NLRP7: variants seen among roughly 807,000 people sequenced by gnomAD.
NLRP7 encodes NLR family pyrin domain containing 7.
In NLRP7, 72 loss-of-function variants were observed where a neutral mutation model predicts 85.5. The ratio of observed to expected loss-of-function variants is 0.84; its 90% CI spans 0.70 to 1.02. The LOEUF is 1.02. Ranked by LOEUF, NLRP7 falls within the 50% of genes least tolerant of loss-of-function variation. The pLI is 0.00. For synonymous variants in NLRP7, 550 were observed against 505.2 expected (o/e 1.09, Z -1.19); for missense variants, 1,243 against 1,219.5 (o/e 1.02, Z -0.29).
At chr19:54,930,314 T>A (rs1468662093) in intron 9 of NLRP7, among the ~76,000 whole-genome samples, 185 bp downstream of exon 9, 7 of 151,296 alleles carry the variant, frequency 4.6e-5, no homozygotes, top group Non-Finnish European at 8.8e-5. Context: ...AGAAAACAGT[T>A]ACCTGGCCAT....
chr19:54,938,390 T>C (rs896370796), intron 4 of NLRP7, 149 bp from the exon 5 acceptor site: 3 of 690,980 alleles, frequency 4.3e-6, no homozygotes, highest in Non-Finnish European at 5.2e-6. Flanking sequence ...ATCACATGCT[T>C]TGCTACCAGT....
At chr19:54,950,711 G>T (rs950195459), upstream of NLRP7, among the ~76,000 whole-genome samples, 4 of 150,462 alleles carry the variant, frequency 2.7e-5, no homozygotes, top group Admixed American at 6.6e-5. Context: ...ATACAATCGG[G>T]GTTTACACCC....
chr19:54,929,664 G>A (rs1569539201), intron 9 of NLRP7, among the ~76,000 whole-genome samples: 1 of 152,162 alleles, frequency 6.6e-6, no homozygotes, highest in Non-Finnish European at 1.5e-5. Flanking sequence ...GAAGCAGCAT[G>A]CTGCTGAAGT....
chr19:54,949,637 G>C (rs969027263), upstream of NLRP7, among the ~76,000 whole-genome samples: 1 of 152,096 alleles, frequency 6.6e-6, no homozygotes, highest in South Asian at 2.1e-4. Context: ...CCACAAGTGC[G>C]AGGGACTGGC....
intron 1 of NLRP7, among the ~76,000 whole-genome samples, chr19:54,957,711 C>T (rs1182885491): frequency 6.6e-6 from 1 of 152,140 alleles, no homozygotes; most frequent in Non-Finnish European, 1.5e-5. Context: ...TTCCTCCAGT[C>T]TCACATTTTT....
upstream of NLRP7, among the ~76,000 whole-genome samples, chr19:54,948,656 G>A (rs1449056343): frequency 2.0e-5 from 3 of 152,014 alleles, no homozygotes; most frequent in African/African-American, 7.2e-5. Flanking sequence ...TGCAACCTCT[G>A]CCTTCCAGGT....
chr19:54,959,269 G>C (rs1293492326), intron 1 of NLRP7, among the ~76,000 whole-genome samples: 4 of 150,280 alleles, frequency 2.7e-5, no homozygotes, highest in African/African-American at 7.3e-5. Flanking sequence ...CTTCCGAGTA[G>C]CTGGGATTAC....
chr19:54,937,895 C>T (rs1420778157), intron 5 of NLRP7, 149 bp downstream of exon 5: 2 of 670,216 alleles, frequency 3.0e-6, no homozygotes, highest in Non-Finnish European at 5.0e-6. Context: ...AAATCTCCGT[C>T]TCACCAAAAA....
At chr19:54,938,761 G>A (rs562356787) in intron 4 of NLRP7, 127 bp downstream of exon 4, 7 of 1,025,520 alleles carry the variant, frequency 6.8e-6, no homozygotes, top group East Asian at 4.7e-5. Context: ...TTGCCAAGTC[G>A]TGTCTCCACG....
chr19:54,951,406 C>A (rs2069663870), upstream of NLRP7, among the ~76,000 whole-genome samples: 1 of 151,856 alleles, frequency 6.6e-6, no homozygotes, highest in African/African-American at 2.4e-5. Flanking sequence ...ATTAGCGGGG[C>A]ATGGTAGTTC....
Position 54,934,126 on chromosome 19 carries a change from A to G in NLRP7, c.2471+363T>C, listed in dbSNP as rs532046401. The stretch of plus-strand genomic sequence containing the variant: ...TGGATAATTTTTTGTATTTTTTAGT[A>G]GAGACGGGGTTTCACCATGTTAGCC... On this transcript the variant is annotated intron_variant, in intron 7 of 9. Transcript: ENST00000340844. The surrounding 1 kb of genome is among the most constrained non-coding windows in gnomAD (Gnocchi z 6.7). Among the ~76,000 whole-genome samples the G allele has an allele frequency of 2.0e-5, 3 of 152,170 alleles. No homozygotes were observed. Among genetic ancestry groups the G allele is most frequent in the Non-Finnish European group, 4.4e-5 (3 of 68,032 alleles).
At chr19:54,927,928 C>A (rs546963694) in intron 9 of NLRP7, among the ~76,000 whole-genome samples, 153 bp from the exon 10 acceptor site, 1 of 152,254 alleles carries the variant, frequency 6.6e-6, no homozygotes, top group South Asian at 2.1e-4. Flanking sequence ...CCCATCTCTA[C>A]TAAAAATACA....
chr19:54,962,749 G>A lies in NLRP7; in HGVS notation c.-77+3291C>T, dbSNP rs540900818. Among the ~76,000 whole-genome samples the A allele has an allele frequency of 1.0e-3, 151 of 150,220 alleles. 1 individual carries two copies. The highest frequency in any genetic ancestry group is 2.9e-3 in the African/African-American group (120 of 41,128). On this transcript the variant is annotated intron_variant, in intron 1 of 2. Coordinates refer to the NLRP7 transcript ENST00000587103. ...CGAGTAGCTGGGACTACAGGCGCCC[G>A]CCACCACGCCCGGCTAATTTTTTGT...
intron 5 of NLRP7, among the ~76,000 whole-genome samples, chr19:54,937,522 A>G (rs577481439): frequency 2.9e-4 from 44 of 150,942 alleles, no homozygotes; most frequent in African/African-American, 1.0e-3. Context: ...AGAAAATTCC[A>G]CCTCTACTAA....
rs768473188 is a variant in NLRP7 at position 54,934,587 on chromosome 19, C to T, written c.2373G>A (p.Leu791=). The T allele has an allele frequency of 1.1e-5, 17 of 1,614,024 alleles. No homozygotes were observed. The South Asian group carries it at 1.8e-4, about 17-fold the overall frequency. ...CATTGGCTGAGAGACGCAGGTGCTTCAGGGACTGGTTGGCTTTGAGGACAT... is the reference window on the plus strand; with the variant it reads ...CATTGGCTGAGAGACGCAGGTGCTTTAGGGACTGGTTGGCTTTGAGGACAT... Residue 791 remains leucine, a synonymous_variant, in exon 7 of 10, where the codon CTG becomes CTA. Coordinates refer to ENST00000340844, the Ensembl canonical transcript of NLRP7. This position sits in a 1 kb window ranked among gnomAD's most constrained non-coding sequence, Gnocchi z 6.7.
chr19:54,923,750 A>C, exon 10 of NLRP7: 1 of 1,613,112 alleles, frequency 6.2e-7, no homozygotes, highest in Non-Finnish European at 8.5e-7. Context: ...TCAGCAAAAA[A>C]AGTCACAGCA....
At chr19:54,944,002 C>T (rs942314585) in intron 1 of NLRP7, among the ~76,000 whole-genome samples, 1 of 151,964 alleles carries the variant, frequency 6.6e-6, no homozygotes. Flanking sequence ...TCTCAAGCAC[C>T]CAGGGACACA....
chr19:54,938,336 C>G (rs1484192873), intron 4 of NLRP7, 95 bp from the exon 5 acceptor site: 1 of 957,812 alleles, frequency 1.0e-6, no homozygotes, highest in African/African-American at 1.6e-5. Context: ...ACCACAATTA[C>G]TTTTGCACCA....
chr19:54,941,232 T>A (rs2069205752), intron 2 of NLRP7, among the ~76,000 whole-genome samples: 1 of 150,592 alleles, frequency 6.6e-6, no homozygotes, highest in Non-Finnish European at 1.5e-5. Flanking sequence ...TAGCCAGGTG[T>A]GGTGAAACAC....
Sources: gnomAD v4.1 joint callset for allele counts (sites outside exome capture counted in the v4.1 genomes callset) on GRCh38, gnomAD v4.1.1 for gene constraint, Gnocchi (gnomAD v3.1) non-coding constraint, MANE v1.5 for transcripts, NCBI Gene and HGNC (gene_info 2026-07-23, HGNC 2026-07-21) for gene names.